Variants in QSER1 observed in about 807,000 individuals in gnomAD.
QSER1 encodes the protein glutamine and serine rich 1.
Under a neutral mutation model 158.5 loss-of-function variants are expected in QSER1, and 49 were observed. The ratio of observed to expected loss-of-function variants is 0.31; its 90% CI spans 0.25 to 0.39. The LOEUF is 0.39. Among genes scored for constraint, QSER1 ranks in the 10% least tolerant of loss-of-function variants. The probability of loss-of-function intolerance (pLI) is 1.00; values close to 1 mark genes in which losing one functional copy is unlikely to be tolerated. For synonymous variants in QSER1, 650 were observed against 715.5 expected (o/e 0.91, Z 1.46); for missense variants, 1,754 against 2,010.3 (o/e 0.87, Z 2.44).
intron 1 of QSER1, among the ~76,000 whole-genome samples, chr11:32,895,380 C>T (rs1360451838): frequency 6.6e-6 from 1 of 152,038 alleles, no homozygotes; most frequent in Non-Finnish European, 1.5e-5. Context: ...TGGGATCAGG[C>T]CATCTGTACA....
At position 32,955,955 on chromosome 11, in the gene QSER1, C is replaced by A; in HGVS notation, c.4618-33C>A. ...AAGTAGCATTTGTATCTAGATTGTT[C>A]AATTATGTAACTCAAAGTGTTTCCT... is the stretch of plus-strand genomic sequence containing the variant. On this transcript the variant is annotated intron_variant, in intron 6 of 12. Transcript: ENST00000650167. 2.5e-6 allele frequency: 4 copies of A among 1,576,916 alleles called. No homozygotes were observed. In the South Asian group the frequency reaches 3.4e-5, roughly 14 times the overall value.
intron 4 of QSER1, among the ~76,000 whole-genome samples, chr11:32,941,212 TTTA>T (rs144498391): frequency 0.76 from 111,869 of 146,362 alleles, 43,737 homozygotes; most frequent in East Asian, 0.98. Flanking sequence ...AGTTTTTGTT[TTTA>T]TTATTATTAT....
At chr11:32,898,813 G>A (rs188499085) in intron 1 of QSER1, among the ~76,000 whole-genome samples, 2 of 152,286 alleles carry the variant, frequency 1.3e-5, no homozygotes, top group Admixed American at 6.5e-5. Context: ...GCCTCAAGCA[G>A]TCTTCCTGCC....
At chr11:32,903,878 C>G (rs900036302) in intron 1 of QSER1, among the ~76,000 whole-genome samples, 16 of 152,182 alleles carry the variant, frequency 1.1e-4, no homozygotes, top group Non-Finnish European at 2.4e-4. Flanking sequence ...TCCCATAGTG[C>G]TGGGATTACA....
chr11:32,932,147 TC>T lies in QSER1; in HGVS notation c.890del (p.Ser297Ter). On this transcript the variant is annotated frameshift_variant, in exon 4 of 13. Coordinates refer to ENST00000650167, the MANE Select transcript of QSER1 (RefSeq NM_001076786.3). LOFTEE classifies it high-confidence loss of function. Reference protein sequence around the residue: ...GSQQTPQAYSSTLFTSSTASI... With the variant: ...GSQQTPQAYSXTLFTSSTASI... ...CCAGCAGACTCCTCAAGCCTACAGT[TC>T]AACTCTCTTTACTAGTTCTACTGCT... 6.2e-7 allele frequency: 1 copy of T among 1,614,192 alleles called. No individual in the cohort carries two copies. Among genetic ancestry groups the T allele is most frequent in the South Asian group, 1.1e-5 (1 of 91,086 alleles).
chr11:32,929,770 C>A (rs1426709365), intron 3 of QSER1, among the ~76,000 whole-genome samples: 2 of 152,150 alleles, frequency 1.3e-5, no homozygotes, highest in African/African-American at 2.4e-5. Flanking sequence ...CGTCTGTGGG[C>A]ATACTGTGGG....
chr11:32,979,274 G>GGT lies in QSER1; in HGVS notation c.*2801_*2802dup, dbSNP rs1301792409. 1 of 152,438 alleles carries GGT rather than the reference G, an allele frequency of 6.6e-6. No individual in the cohort carries two copies. The highest frequency in any genetic ancestry group is 2.4e-5 in the African/African-American group (1 of 41,398). 9.4% of individuals were successfully genotyped at this position (152,438 alleles called of 1,614,324 possible). A position where few individuals can be genotyped will look rare whatever the true frequency, so the allele number is the denominator to read the frequency against. On this transcript the variant is annotated 3_prime_UTR_variant, in exon 13 of 13. Transcript: ENST00000650167. ...TTTAGGTTTTAGGTAGAGTTAAAGA[G>GGT]GTAAAGCACATGTTGCCACAACCCA...
chr11:32,920,915 C>G (rs1427085775), intron 1 of QSER1, among the ~76,000 whole-genome samples: 1 of 152,118 alleles, frequency 6.6e-6, no homozygotes, highest in East Asian at 1.9e-4. Flanking sequence ...TAAAATGGTA[C>G]AGCCACTTTG....
chr11:32,950,496 G>T (rs1380090016), intron 4 of QSER1, among the ~76,000 whole-genome samples: 1 of 152,108 alleles, frequency 6.6e-6, no homozygotes, highest in Non-Finnish European at 1.5e-5. Flanking sequence ...ATTTATATTT[G>T]TTCCTTAGCC....
At position 32,934,405 on chromosome 11, in the gene QSER1, C is replaced by T. The variant is rs764225592; in HGVS notation, c.3147C>T (p.Ser1049=). ...VGKPQNINDT[S]LNGNQVTVNL... is the part of the protein sequence containing the mutation. The stretch of plus-strand genomic sequence containing the variant: ...AGCCACAGAATATAAATGATACTTC[C>T]TTAAATGGAAATCAGGTTACTGTGA... The change falls in exon 4 of 13, where the codon TCC becomes TCT. Residue 1049 remains serine, a synonymous_variant. Coordinates refer to ENST00000650167, the MANE Select transcript of QSER1 (RefSeq NM_001076786.3). 3 of 1,613,778 alleles carry T rather than the reference C, an allele frequency of 1.9e-6. No individual in the cohort carries two copies. In the South Asian group the frequency reaches 3.3e-5, roughly 18 times the overall value.
chr11:32,898,719 A>T (rs1466159178), intron 1 of QSER1, among the ~76,000 whole-genome samples: 11 of 152,236 alleles, frequency 7.2e-5, no homozygotes, highest in African/African-American at 2.4e-4. Context: ...GACTACAGGC[A>T]TGTGCCACCA....
intron 4 of QSER1, among the ~76,000 whole-genome samples, chr11:32,939,788 G>A (rs7117497): frequency 0.98 from 148,373 of 152,070 alleles, 72,481 homozygotes; most frequent in East Asian, 1. Flanking sequence ...GTTTTGGTCT[G>A]TCTTACACTT....
intron 12 of QSER1, 43 bp from the exon 13 acceptor site, chr11:32,976,291 G>A: frequency 4.8e-6 from 7 of 1,473,210 alleles, no homozygotes; most frequent in Non-Finnish European, 6.3e-6. Context: ...ACTTAAATAT[G>A]ATGTGATAAG....
chr11:32,920,307 A>G (rs1202552817), intron 1 of QSER1, among the ~76,000 whole-genome samples: 2 of 152,230 alleles, frequency 1.3e-5, no homozygotes, highest in East Asian at 3.8e-4. Flanking sequence ...AGGGATTTCT[A>G]CATTATACTT....
chr11:32,953,139 A>T (rs1476841102), intron 4 of QSER1, among the ~76,000 whole-genome samples: 3 of 151,336 alleles, frequency 2.0e-5, no homozygotes, highest in Admixed American at 2.0e-4. Flanking sequence ...CTAGGAATTT[A>T]TCCATTTCAT....
At chr11:32,928,650 A>G (rs866667792) in intron 3 of QSER1, among the ~76,000 whole-genome samples, 9 of 152,196 alleles carry the variant, frequency 5.9e-5, no homozygotes, top group African/African-American at 1.4e-4. Context: ...TTACTTTTCA[A>G]CCGTTTCTCA....
chr11:32,958,140 G>A, intron 8 of QSER1, 54 bp downstream of exon 8: 1 of 1,348,968 alleles, frequency 7.4e-7, no homozygotes, highest in Non-Finnish European at 1.1e-6. Flanking sequence ...CTACATGAGT[G>A]GTGAGGAGCA....
intron 1 of QSER1, chr11:32,926,269 T>C (rs1045033328): frequency 6.6e-6 from 1 of 152,190 alleles, no homozygotes; most frequent in Non-Finnish European, 1.5e-5. Context: ...AACTTTTAGA[T>C]GTTTGGCAAT....
intron 1 of QSER1, among the ~76,000 whole-genome samples, chr11:32,923,739 G>GT (rs1419796948): frequency 1.4e-4 from 21 of 151,918 alleles, no homozygotes; most frequent in Non-Finnish European, 2.9e-4. Flanking sequence ...GGAGGCCAAG[G>GT]CGGGTGGATC....
Sources: gnomAD v4.1 joint callset for allele counts (sites outside exome capture counted in the v4.1 genomes callset) on GRCh38, gnomAD v4.1.1 for gene constraint, MANE v1.5 for transcripts, NCBI Gene and HGNC (gene_info 2026-07-23, HGNC 2026-07-21) for gene names.